The following DLG2 variants were observed in gnomAD, a reference collection of about 807,000 sequenced individuals.
DLG2 encodes the protein disks large homolog 2.
DLG2 carries 45 observed loss-of-function variants against 132.5 expected under a neutral mutation model. That is an observed-to-expected ratio of 0.34 (90% CI 0.27 to 0.44). DLG2 has a LOEUF of 0.44. DLG2 is among the 20% of genes least tolerant of loss of function. The pLI is 1.00. For synonymous variants in DLG2, 424 were observed against 419.6 expected, an observed-to-expected ratio of 1.01 and a Z score of -0.13; for missense variants, 1,045 against 1,196.9, an observed-to-expected ratio of 0.87 and a Z score of 1.87.
intron 9 of DLG2, among the ~76,000 whole-genome samples, chr11:84,135,611 C>T (rs2094571917): frequency 6.6e-6 from 1 of 151,940 alleles, no homozygotes; most frequent in African/African-American, 2.4e-5. Context: ...AGGGCATTTG[C>T]AGAAAAGAAG....
chr11:84,357,768 T>G (rs568493834), intron 7 of DLG2, among the ~76,000 whole-genome samples: 2 of 152,144 alleles, frequency 1.3e-5, no homozygotes, highest in African/African-American at 4.8e-5. Flanking sequence ...TTATTACTAG[T>G]GAAAGTAAGA....
chr11:83,605,426 A>C (rs1186874768), intron 19 of DLG2, among the ~76,000 whole-genome samples: 3 of 152,238 alleles, frequency 2.0e-5, no homozygotes, highest in East Asian at 1.9e-4. Flanking sequence ...AATAAACATA[A>C]ATGTCCCAAC....
At chr11:84,641,987 A>ATG (rs141154783) in intron 6 of DLG2, among the ~76,000 whole-genome samples, 4 of 147,490 alleles carry the variant, frequency 2.7e-5, no homozygotes, top group African/African-American at 5.0e-5. Flanking sequence ...GCATGTGTGT[A>ATG]TGTGTGTGTG....
chr11:84,192,397 C>T (rs1443335602), intron 8 of DLG2, among the ~76,000 whole-genome samples: 1 of 152,002 alleles, frequency 6.6e-6, no homozygotes, highest in African/African-American at 2.4e-5. Flanking sequence ...ATATATGGGC[C>T]TTTTTATAAT....
chr11:84,913,638 T>A (rs78817874), intron 6 of DLG2, among the ~76,000 whole-genome samples: 1 of 152,148 alleles, frequency 6.6e-6, no homozygotes, highest in Admixed American at 6.5e-5. Context: ...CTTAATCCAA[T>A]AGACATGCAT....
chr11:83,500,612 T>C (rs1392687639), intron 21 of DLG2, among the ~76,000 whole-genome samples: 2 of 152,130 alleles, frequency 1.3e-5, no homozygotes, highest in African/African-American at 2.4e-5. Flanking sequence ...CTGATGGAGC[T>C]TTTATGCTAC....
Position 84,241,116 on chromosome 11 carries a change from T to A in DLG2, c.573+10122A>T, listed in dbSNP as rs1055716860. Among the ~76,000 whole-genome samples the A allele has an allele frequency of 3.9e-5, 6 of 152,338 alleles. No homozygotes were observed. In the East Asian group the frequency reaches 9.6e-4, roughly 24 times the overall value. ...TTGCCTAGAAATGTCTTTTTATTCT[T>A]TAAGAGCTAGACAAAATTCTCCCTT... On this transcript the variant is annotated intron_variant, in intron 8 of 27. Transcript: ENST00000376104.
At chr11:85,069,746 G>A (rs1020304748) in intron 6 of DLG2, among the ~76,000 whole-genome samples, 2 of 152,106 alleles carry the variant, frequency 1.3e-5, no homozygotes, top group East Asian at 1.9e-4. Context: ...TCAGTGTGGC[G>A]ATTCCTCAGG....
intron 7 of DLG2, among the ~76,000 whole-genome samples, chr11:84,503,653 C>T (rs1288367662): frequency 6.6e-6 from 1 of 152,164 alleles, no homozygotes; most frequent in Non-Finnish European, 1.5e-5. Flanking sequence ...GTTCCAGCTC[C>T]AGGGCTAGAT....
chr11:85,109,795 T>A (rs1212604568), intron 6 of DLG2, among the ~76,000 whole-genome samples: 1 of 152,104 alleles, frequency 6.6e-6, no homozygotes, highest in Non-Finnish European at 1.5e-5. Flanking sequence ...CTTTGTAGCT[T>A]GAAAACAAAA....
At chr11:85,587,810 C>A (rs943390484) in intron 3 of DLG2, among the ~76,000 whole-genome samples, 1 of 152,026 alleles carries the variant, frequency 6.6e-6, no homozygotes, top group African/African-American at 2.4e-5. Flanking sequence ...TACACTTTAA[C>A]GAGGTTCTAT....
intron 18 of DLG2, chr11:83,724,732 G>C (rs950666179): frequency 3.1e-6 from 2 of 637,754 alleles, no homozygotes; most frequent in Non-Finnish European, 5.7e-6. Flanking sequence ...CAAACGGCAG[G>C]GAAAGGCTGT....
chr11:84,077,493 C>T (rs1324904072), intron 10 of DLG2, among the ~76,000 whole-genome samples: 1 of 152,154 alleles, frequency 6.6e-6, no homozygotes, highest in African/African-American at 2.4e-5. Flanking sequence ...TTGTACATCT[C>T]TATTTTAATT....
chr11:84,722,697 G>C (rs954187655), intron 6 of DLG2, among the ~76,000 whole-genome samples: 16 of 152,108 alleles, frequency 1.1e-4, no homozygotes, highest in African/African-American at 3.4e-4. Flanking sequence ...CTTATCTGAA[G>C]GAAACTCAAT....
At chr11:84,749,636 C>T (rs935726267) in intron 6 of DLG2, among the ~76,000 whole-genome samples, 1 of 152,070 alleles carries the variant, frequency 6.6e-6, no homozygotes, top group Non-Finnish European at 1.5e-5. Context: ...ATGATATTTG[C>T]ACAACAGTGA....
chr11:83,818,438 C>A (rs1309859179), intron 17 of DLG2, among the ~76,000 whole-genome samples: 1 of 152,142 alleles, frequency 6.6e-6, no homozygotes, highest in African/African-American at 2.4e-5. Context: ...AACTCCCTTG[C>A]CTCACTGTAC....
chr11:83,679,376 C>T (rs1010523933), intron 18 of DLG2, among the ~76,000 whole-genome samples: 2 of 152,016 alleles, frequency 1.3e-5, no homozygotes, highest in Non-Finnish European at 2.9e-5. Context: ...TGTTATTTGG[C>T]AAATAACGTG....
intron 3 of DLG2, among the ~76,000 whole-genome samples, chr11:85,473,208 A>C (rs1178016882): frequency 2.0e-5 from 3 of 152,352 alleles, no homozygotes; most frequent in Non-Finnish European, 4.4e-5. Flanking sequence ...AGCAAAAGCC[A>C]AGCACAGCCT....
chr11:83,505,200 T>C (rs1168318540), intron 21 of DLG2, among the ~76,000 whole-genome samples: 1 of 152,090 alleles, frequency 6.6e-6, no homozygotes, highest in Non-Finnish European at 1.5e-5. Context: ...AGAGGTGCAA[T>C]ATATATATAA....
Sources: gnomAD v4.1 joint callset for allele counts (sites outside exome capture counted in the v4.1 genomes callset) on GRCh38, gnomAD v4.1.1 for gene constraint, MANE v1.5 for transcripts, NCBI Gene and HGNC (gene_info 2026-07-23, HGNC 2026-07-21) for gene names.